Variants in VWA8 observed in about 807,000 individuals in gnomAD.
The protein encoded by VWA8 is von Willebrand factor A domain-containing protein 8.
A neutral mutation model predicts 241.5 loss-of-function variants in VWA8; 221 were observed. That is an observed-to-expected ratio of 0.91 (90% CI 0.82 to 1.02). The LOEUF (loss-of-function observed/expected upper bound fraction) is 1.02. VWA8 is among the 50% of genes least tolerant of loss of function. VWA8 has a pLI of 0.00. For synonymous variants in VWA8, 852 were observed against 827.1 expected (o/e 1.03, Z -0.52); for missense variants, 2,322 against 2,328.7 (o/e 1.00, Z 0.06).
intron 12 of VWA8, among the ~76,000 whole-genome samples, chr13:41,835,105 T>G (rs552237266): frequency 2.0e-5 from 3 of 152,154 alleles, no homozygotes; most frequent in African/African-American, 4.8e-5. Flanking sequence ...GGAGGAGGGA[T>G]AGCATCAGGA....
At chr13:41,813,951 T>C (rs1368188231) in intron 16 of VWA8, among the ~76,000 whole-genome samples, 2 of 152,004 alleles carry the variant, frequency 1.3e-5, no homozygotes, top group Non-Finnish European at 2.9e-5. Flanking sequence ...AGTTTAAGAG[T>C]ACACCTCGAA....
At chr13:41,885,572 C>CAGTGTGAAAGCCCT (rs1874482208) in intron 8 of VWA8, among the ~76,000 whole-genome samples, 1 of 152,210 alleles carries the variant, frequency 6.6e-6, no homozygotes, top group African/African-American at 2.4e-5. Flanking sequence ...GAAGCTAGAA[C>CAGTGTGAAAGCCCT]AGTGTGAAAG....
intron 2 of VWA8, among the ~76,000 whole-genome samples, chr13:41,946,870 T>C (rs1432903519): frequency 1.3e-5 from 2 of 152,158 alleles, no homozygotes; most frequent in Admixed American, 6.6e-5. Flanking sequence ...TAAAATCCAG[T>C]TGTAGCAAAA....
intron 14 of VWA8, among the ~76,000 whole-genome samples, chr13:41,829,390 G>T (rs929061575): frequency 4.0e-5 from 6 of 151,570 alleles, no homozygotes; most frequent in African/African-American, 1.5e-4. Context: ...CCCACTACTG[G>T]GTATCTACCC....
rs116241245 is a variant in VWA8, at chr13:41,869,246, T to C, written c.1081-769A>G. Among the ~76,000 whole-genome samples the C allele has an allele frequency of 1.7e-3, 266 of 152,300 alleles. 2 individuals are homozygous for C. Among genetic ancestry groups the C allele is most frequent in the African/African-American group, 5.9e-3 (244 of 41,564 alleles). Reference sequence around the variant, plus strand: ...ATCATTCTGCTGTCAGCTATGTGAATAGCTTAACTAAAATTATTATAACAA... The same window carrying C: ...ATCATTCTGCTGTCAGCTATGTGAACAGCTTAACTAAAATTATTATAACAA... On this transcript the variant is annotated intron_variant, in intron 9 of 44. Coordinates refer to ENST00000379310, the MANE Select transcript of VWA8 (RefSeq NM_015058.2).
At chr13:41,605,354 G>A (rs555533502) in intron 39 of VWA8, 78 bp from the exon 40 acceptor site, 16 of 1,397,864 alleles carry the variant, frequency 1.1e-5, no homozygotes, top group Non-Finnish European at 1.6e-5. Flanking sequence ...GCCTCCTGCT[G>A]GAACTTTAGC....
Position 41,833,379 on chromosome 13 carries a change from T to C in VWA8, c.1578A>G (p.Val526=), listed in dbSNP as rs775027623. 1.4e-5 allele frequency: 22 copies of C among 1,609,366 alleles called. No individual in the cohort carries two copies. The highest frequency in any genetic ancestry group is 1.9e-5 in the Non-Finnish European group (22 of 1,177,974). The change falls in exon 13 of 45, where the codon GTA becomes GTG. Residue 526 remains valine (V), a synonymous_variant. Coordinates refer to ENST00000379310, the MANE Select transcript of VWA8 (RefSeq NM_015058.2). ...TTGTGACTCATACCCACCTTTGCAATACAGCAAGCGTGCCCGCATTCACCC... is the reference window on the plus strand; with the variant it reads ...TTGTGACTCATACCCACCTTTGCAACACAGCAAGCGTGCCCGCATTCACCC... ...IHRVNAGTLA[V]LQRLIHDREL...
intron 4 of VWA8, among the ~76,000 whole-genome samples, chr13:41,893,263 T>G (rs1039587265): frequency 1.3e-5 from 2 of 152,208 alleles, no homozygotes; most frequent in African/African-American, 4.8e-5. Flanking sequence ...CTGTTGAATT[T>G]TGCACTGTAT....
At chr13:41,590,868 G>A (rs1189804214) in intron 40 of VWA8, 103 bp from the exon 41 acceptor site, 1 of 1,429,480 alleles carries the variant, frequency 7.0e-7, no homozygotes, top group African/African-American at 1.4e-5. Context: ...GATCTTTTCA[G>A]TAAGTGATGG....
intron 39 of VWA8, among the ~76,000 whole-genome samples, chr13:41,606,187 C>T (rs745599222): frequency 1.7e-4 from 26 of 152,112 alleles, no homozygotes; most frequent in Non-Finnish European, 3.2e-4. Context: ...AACTATCTGC[C>T]TCCTGTCTCC....
At chr13:41,620,408 T>C (rs1008861374) in intron 37 of VWA8, among the ~76,000 whole-genome samples, 2 of 152,048 alleles carry the variant, frequency 1.3e-5, no homozygotes. Context: ...TGTTGATCTT[T>C]TCAAAAAACC....
At chr13:41,673,254 G>C (rs2045037863) in intron 36 of VWA8, among the ~76,000 whole-genome samples, 1 of 152,168 alleles carries the variant, frequency 6.6e-6, no homozygotes, top group African/African-American at 2.4e-5. Flanking sequence ...GAGCAAAAGT[G>C]ATGTATTCAT....
intron 9 of VWA8, among the ~76,000 whole-genome samples, chr13:41,879,382 TACACACACACAC>T (rs3073827): frequency 2.8e-5 from 4 of 140,888 alleles, no homozygotes; most frequent in East Asian, 2.1e-4. Context: ...CATACACACA[TACACACACACAC>T]ACACACACAC....
At chr13:41,614,312 C>G (rs760274269) in intron 38 of VWA8, among the ~76,000 whole-genome samples, 3 of 152,220 alleles carry the variant, frequency 2.0e-5, no homozygotes, top group African/African-American at 4.8e-5. Flanking sequence ...TAAGCTCAGA[C>G]AGTGCGCACA....
At chr13:41,940,248 T>C (rs1877532084) in intron 2 of VWA8, among the ~76,000 whole-genome samples, 1 of 152,162 alleles carries the variant, frequency 6.6e-6, no homozygotes, top group South Asian at 2.1e-4. Flanking sequence ...TATGTTTCAC[T>C]TGAAAAGTGA....
chr13:41,783,687 A>T lies in VWA8; in HGVS notation c.2277+108T>A, dbSNP rs7335269. On this transcript the variant is annotated intron_variant, in intron 19 of 44. Transcript: ENST00000379310. ...CAACACTTCATTTTGCATCATCTAA[A>T]TTAAATTTAGGAAATCACAAAAATA... The T allele has an allele frequency of 2.2e-3, 1,692 of 785,678 alleles. 19 individuals are homozygous for T. The African/African-American group carries it at 0.024, about 11-fold the overall frequency. The allele number at this position is 785,678 out of a possible 1,614,324, so 48.7% of individuals were successfully genotyped here.
chr13:41,885,889 G>T (rs767352401), intron 8 of VWA8, 31 bp downstream of exon 8: 7 of 1,466,862 alleles, frequency 4.8e-6, no homozygotes, highest in Middle Eastern at 1.7e-4. Context: ...AACATATTTG[G>T]GTATGCCAGT....
At chr13:41,606,407 G>GTTGT (rs1438110284) in intron 39 of VWA8, among the ~76,000 whole-genome samples, 2 of 152,068 alleles carry the variant, frequency 1.3e-5, no homozygotes, top group Non-Finnish European at 2.9e-5. Context: ...GTTTTACAGT[G>GTTGT]TTGTATCCAT....
chr13:41,594,122 T>C (rs942843538), intron 40 of VWA8, among the ~76,000 whole-genome samples: 2 of 131,428 alleles, frequency 1.5e-5, no homozygotes, highest in Non-Finnish European at 3.5e-5. Context: ...TTTGTAATTT[T>C]TGTTTTTTTT....
Sources: allele counts gnomAD v4.1 joint callset (sites outside exome capture counted in the v4.1 genomes callset), GRCh38; gene constraint gnomAD v4.1.1; transcripts MANE v1.5; gene names NCBI Gene and HGNC (gene_info 2026-07-23, HGNC 2026-07-21).